CEMIP: variants seen among roughly 807,000 people sequenced by gnomAD.
The protein encoded by CEMIP is cell migration-inducing and hyaluronan-binding protein.
Under a neutral mutation model 156.9 loss-of-function variants are expected in CEMIP, and 105 were observed. The ratio of observed to expected loss-of-function variants is 0.67; its 90% CI spans 0.57 to 0.79. CEMIP has a LOEUF of 0.79. CEMIP is among the 30% of genes least tolerant of loss of function. The pLI is 0.00. For missense variants in CEMIP, 1,457 were observed against 1,769.4 expected, an observed-to-expected ratio of 0.82 and a Z score of 3.17; for synonymous variants, 676 against 668.4, an observed-to-expected ratio of 1.01 and a Z score of -0.17.
chr15:80,920,610 C>T (rs915739361), intron 15 of CEMIP, among the ~76,000 whole-genome samples: 1 of 152,198 alleles, frequency 6.6e-6, no homozygotes, highest in East Asian at 1.9e-4. Context: ...GCTGACACCT[C>T]GCCTGCCACA....
chr15:80,948,675 T>C, intron 29 of CEMIP, 122 bp from the exon 30 acceptor site: 1 of 1,300,204 alleles, frequency 7.7e-7, no homozygotes, highest in Admixed American at 1.7e-5. Context: ...GGGGCCACAG[T>C]GCAGTGTGGC....
chr15:80,906,820 C>G lies in CEMIP; in HGVS notation c.1569C>G (p.Thr523=). The change falls in exon 13 of 30, where the codon ACC becomes ACG. Residue 523 remains threonine (T), a synonymous_variant. Transcript: ENST00000394685. The surrounding 1 kb of genome is among the most constrained non-coding windows in gnomAD (Gnocchi z 4.3). Reference sequence around the variant, plus strand: ...TCTGCAATTTCTTTGACTTCGATACCTTTGGGGGCCACATCAAGGTATGTG... The same window carrying G: ...TCTGCAATTTCTTTGACTTCGATACGTTTGGGGGCCACATCAAGGTATGTG... ...NHICNFFDFD[T]FGGHIKFALG... 1 of 1,613,688 alleles carries G rather than the reference C, an allele frequency of 6.2e-7. No homozygotes were observed. The highest frequency in any genetic ancestry group is 8.5e-7 in the Non-Finnish European group (1 of 1,179,798).
rs1899220860 is a variant in CEMIP, at chr15:80,896,300, A to G, written c.1411+240A>G. On this transcript the variant is annotated intron_variant, in intron 12 of 29. Transcript: ENST00000394685. ...CCAGGCTGAGAGTTGGGTTCAAGTCACTTCCATATGACTCCCATTCTTCCC... is the reference window on the plus strand; with the variant it reads ...CCAGGCTGAGAGTTGGGTTCAAGTCGCTTCCATATGACTCCCATTCTTCCC... 3 of 666,264 alleles carry G rather than the reference A, an allele frequency of 4.5e-6. No individual in the cohort carries two copies. The African/African-American group carries it at 5.3e-5, about 12-fold the overall frequency. The allele number at this position is 666,264 out of a possible 1,614,324, so 41.3% of individuals were successfully genotyped here. A position where few individuals can be genotyped will look rare whatever the true frequency, so the allele number is the denominator to read the frequency against.
intron 1 of CEMIP, among the ~76,000 whole-genome samples, chr15:80,854,015 A>T (rs910544493): frequency 6.6e-6 from 1 of 152,260 alleles, no homozygotes; most frequent in African/African-American, 2.4e-5. Flanking sequence ...AAACTGACAG[A>T]GGCAGGAACA....
chr15:80,916,682 G>A (rs1452428193), intron 14 of CEMIP, among the ~76,000 whole-genome samples: 1 of 152,152 alleles, frequency 6.6e-6, no homozygotes, highest in Non-Finnish European at 1.5e-5. Context: ...AATGTTCTAA[G>A]GAGGAACAAT....
chr15:80,920,226 G>A lies in CEMIP; in HGVS notation c.1930G>A (p.Asp644Asn), dbSNP rs1415293205. Residue 644 changes from aspartate (D) to asparagine (N), a missense_variant, in exon 15 of 30, where the codon GAC becomes AAC. Asp to Asn is a conservative substitution (Grantham distance 23). Around this residue, in one of 5 missense-constraint regions of CEMIP, gnomAD observed 798 missense variants for 980.1 expected, o/e 0.81. Coordinates refer to ENST00000394685, the MANE Select transcript of CEMIP (RefSeq NM_001293298.2). ...TGGAACCCTCCTCCCCTCGGACCGTGACAGCAAGATGTGCAAGATGATCAC... is the reference window on the plus strand; with the variant it reads ...TGGAACCCTCCTCCCCTCGGACCGTAACAGCAAGATGTGCAAGATGATCAC... ...KSGTLLPSDR[D>N]SKMCKMITED... The A allele has an allele frequency of 6.2e-7, 1 of 1,614,212 alleles. No homozygotes were observed.
chr15:80,861,617 C>A (rs1204333524), intron 1 of CEMIP, among the ~76,000 whole-genome samples: 1 of 152,132 alleles, frequency 6.6e-6, no homozygotes, highest in Admixed American at 6.5e-5. Flanking sequence ...TGGGTCTTGA[C>A]CCTGGTAGGA....
intron 14 of CEMIP, among the ~76,000 whole-genome samples, chr15:80,915,260 G>A (rs1283200700): frequency 4.6e-5 from 7 of 152,212 alleles, no homozygotes; most frequent in Non-Finnish European, 7.3e-5. Flanking sequence ...TAAGACGGGG[G>A]TTTGTTTCGG....
At chr15:80,944,589 G>T (rs923803903) in intron 28 of CEMIP, among the ~76,000 whole-genome samples, 1 of 152,160 alleles carries the variant, frequency 6.6e-6, no homozygotes, top group African/African-American at 2.4e-5. Flanking sequence ...GGGGCACGAC[G>T]TGAACTGGGC....
At position 80,931,971 on chromosome 15, in the gene CEMIP, C is replaced by A; in HGVS notation, c.2725C>A (p.Arg909Ser). The change falls in exon 22 of 30, where the codon CGC (arginine) becomes AGC (serine). Residue 909 changes from arginine to serine, a missense_variant. By Grantham distance (110) the Arg-to-Ser change is moderately radical. Coordinates refer to ENST00000394685, the MANE Select transcript of CEMIP (RefSeq NM_001293298.2). ...CCGGCACACCAGCGCCCTGGCCTTC[C>A]GCCTGAATAATGCCTGGCAGAGCTG... is the stretch of plus-strand genomic sequence containing the variant. ...EGRHTSALAF[R>S]LNNAWQSCPH... The A allele has an allele frequency of 6.2e-7, 1 of 1,614,214 alleles. No individual in the cohort carries two copies. The highest frequency in any genetic ancestry group is 1.1e-5 in the South Asian group (1 of 91,088).
rs1900964617 is a variant in CEMIP at position 80,932,608 on chromosome 15, G to GTT, written c.2793+569_2793+570insTT. ...ATTTCCTTCAGGTTATGGATTCCCAGACTTTTCCCTCCTTCTCCTCCCTGC... is the reference window on the plus strand; with the variant it reads ...ATTTCCTTCAGGTTATGGATTCCCAGTTACTTTTCCCTCCTTCTCCTCCCTGC... On this transcript the variant is annotated intron_variant, in intron 22 of 29. Coordinates refer to ENST00000394685, the MANE Select transcript of CEMIP (RefSeq NM_001293298.2). This position sits in a 1 kb window ranked among gnomAD's most constrained non-coding sequence, Gnocchi z 4.5. Among the ~76,000 whole-genome samples the GTT allele has an allele frequency of 2.6e-5, 4 of 152,150 alleles. No individual in the cohort carries two copies. The highest frequency in any genetic ancestry group is 5.9e-5 in the Non-Finnish European group (4 of 68,014).
At chr15:80,793,281 G>GATGT (rs1039714357) in intron 1 of CEMIP, among the ~76,000 whole-genome samples, 14 of 152,218 alleles carry the variant, frequency 9.2e-5, no homozygotes, top group African/African-American at 3.4e-4. Flanking sequence ...GAAACTGGAA[G>GATGT]ATGTTGAGAG....
intron 3 of CEMIP, among the ~76,000 whole-genome samples, chr15:80,876,106 A>G (rs1471694747): frequency 2.0e-5 from 3 of 152,236 alleles, no homozygotes; most frequent in Non-Finnish European, 4.4e-5. Context: ...TTCCCAGCAT[A>G]TTCATGGCTC....
intron 1 of CEMIP, among the ~76,000 whole-genome samples, chr15:80,840,888 G>T (rs981206759): frequency 6.6e-6 from 1 of 152,204 alleles, no homozygotes; most frequent in Non-Finnish European, 1.5e-5. Flanking sequence ...AGGCTGTCGG[G>T]CTTCCCACCA....
chr15:80,846,973 C>A (rs1897577245), intron 1 of CEMIP, among the ~76,000 whole-genome samples: 1 of 152,158 alleles, frequency 6.6e-6, no homozygotes, highest in Non-Finnish European at 1.5e-5. Context: ...ATGAAGATCT[C>A]CAGGAAAGGA....
At chr15:80,900,944 T>C (rs567675330) in intron 12 of CEMIP, 18 of 455,838 alleles carry the variant, frequency 3.9e-5, no homozygotes, top group South Asian at 2.8e-4. Context: ...ACAGGACTGT[T>C]TGCATTTCCC....
chr15:80,945,279 A>G (rs536787751), intron 28 of CEMIP, among the ~76,000 whole-genome samples: 1 of 152,308 alleles, frequency 6.6e-6, no homozygotes, highest in East Asian at 1.9e-4. Flanking sequence ...GCTTCTGGGC[A>G]TCAGTGGGAA....
At chr15:80,897,220 C>T (rs577323717) in intron 12 of CEMIP, 50 of 455,050 alleles carry the variant, frequency 1.1e-4, no homozygotes, top group African/African-American at 9.6e-4. Context: ...GGGAGAAAGA[C>T]CATGGATTGA....
chr15:80,947,088 A>C (rs771314358), intron 29 of CEMIP, 23 bp downstream of exon 29: 1 of 1,496,358 alleles, frequency 6.7e-7, no homozygotes, highest in South Asian at 1.1e-5. Context: ...ACTGGGGTTT[A>C]AACTGACCCC....
Sources: gnomAD v4.1 joint callset for allele counts (sites outside exome capture counted in the v4.1 genomes callset) on GRCh38, gnomAD v4.1.1 for gene constraint, gnomAD v4.1.1 regional missense constraint, Gnocchi (gnomAD v3.1) non-coding constraint, MANE v1.5 for transcripts, NCBI Gene and HGNC (gene_info 2026-07-23, HGNC 2026-07-21) for gene names.